Variants in SHC4 observed in about 807,000 individuals in gnomAD.
SHC4 encodes the protein SHC adaptor protein 4.
Under a neutral mutation model 69.4 loss-of-function variants are expected in SHC4, and 41 were observed. The observed-to-expected ratio is 0.59, with a 90% CI of 0.46 to 0.77. SHC4 has a LOEUF of 0.77. SHC4 is among the 30% of genes least tolerant of loss of function. The probability of loss-of-function intolerance (pLI) is 0.00; values close to 1 mark genes in which losing one functional copy is unlikely to be tolerated. For missense variants in SHC4, 777 were observed against 783.8 expected, an observed-to-expected ratio of 0.99 and a Z score of 0.10; for synonymous variants, 318 against 299.3, an observed-to-expected ratio of 1.06 and a Z score of -0.64.
intron 10 of SHC4, among the ~76,000 whole-genome samples, chr15:48,840,036 A>AAT (rs575899257): frequency 7.9e-5 from 12 of 152,288 alleles, no homozygotes; most frequent in Middle Eastern, 3.4e-3. Flanking sequence ...CCTTTAAAGA[A>AAT]ATATATATGT....
rs568206520 is a variant in SHC4 at position 48,869,978 on chromosome 15, T to C, written c.895-2109A>G. On this transcript the variant is annotated intron_variant, in intron 5 of 11. Coordinates refer to ENST00000332408, the MANE Select transcript of SHC4 (RefSeq NM_203349.4). ...GTCAATTTAAAGAACTAAAGGCACATGAAGAGAGTATGAAAAAAATTAAGA... is the reference window on the plus strand; with the variant it reads ...GTCAATTTAAAGAACTAAAGGCACACGAAGAGAGTATGAAAAAAATTAAGA... Among the ~76,000 whole-genome samples the C allele has an allele frequency of 8.5e-5, 13 of 152,218 alleles. No individual in the cohort carries two copies. In the South Asian group the frequency reaches 1.7e-3, roughly 19 times the overall value.
At chr15:48,890,518 C>T (rs1034020325) in intron 3 of SHC4, among the ~76,000 whole-genome samples, 1 of 152,118 alleles carries the variant, frequency 6.6e-6, no homozygotes, top group Non-Finnish European at 1.5e-5. Flanking sequence ...GACATAAAGC[C>T]CAGGGCTTTC....
intron 1 of SHC4, among the ~76,000 whole-genome samples, chr15:48,953,673 T>A (rs1358782198): frequency 6.6e-6 from 1 of 152,146 alleles, no homozygotes; most frequent in South Asian, 2.1e-4. Context: ...TTCCTATATT[T>A]CCAAATAAAT....
chr15:48,920,360 C>A (rs1900729221), intron 2 of SHC4, among the ~76,000 whole-genome samples: 1 of 151,778 alleles, frequency 6.6e-6, no homozygotes, highest in Non-Finnish European at 1.5e-5. Context: ...TGAGCAGGAG[C>A]TTTGTAATAT....
intron 1 of SHC4, among the ~76,000 whole-genome samples, chr15:48,942,429 C>A (rs1336342195): frequency 4.6e-5 from 7 of 151,580 alleles, no homozygotes; most frequent in Non-Finnish European, 1.0e-4. Context: ...CTTCAAGATG[C>A]AATGTAAATA....
At chr15:48,915,709 T>C (rs1900606939) in intron 2 of SHC4, among the ~76,000 whole-genome samples, 1 of 152,230 alleles carries the variant, frequency 6.6e-6, no homozygotes, top group African/African-American at 2.4e-5. Context: ...CTTAACACCC[T>C]TTCCTGACCA....
chr15:48,872,919 C>T (rs967076008), intron 4 of SHC4, among the ~76,000 whole-genome samples: 4 of 152,182 alleles, frequency 2.6e-5, no homozygotes, highest in African/African-American at 9.7e-5. Flanking sequence ...AACTATGCAC[C>T]TATTGACTAA....
chr15:48,963,569 A>G lies in SHC4; in HGVS notation c.-554T>C, dbSNP rs1901583864. On this transcript the variant is annotated 5_prime_UTR_variant, in exon 1 of 12. Coordinates refer to ENST00000332408, the MANE Select transcript of SHC4 (RefSeq NM_203349.4). ...AAAAGGAAAAAAAAATGTATCTATG[A>G]ACCAAAGGCCCTTTTGCCTGGGTTC... 6.5e-6 allele frequency: 1 copy of G among 152,814 alleles called. No individual in the cohort carries two copies. The allele number at this position is 152,814 out of a possible 1,614,324, so 9.5% of individuals were successfully genotyped here. A position where few individuals can be genotyped will look rare whatever the true frequency, so the allele number is the denominator to read the frequency against.
chr15:48,947,759 A>C (rs1348847284), intron 1 of SHC4: 4 of 152,168 alleles, frequency 2.6e-5, no homozygotes, highest in Non-Finnish European at 5.9e-5. Flanking sequence ...GACGAACAAA[A>C]GCTATTGAAA....
intron 11 of SHC4, 59 bp downstream of exon 11, chr15:48,834,710 T>TA: frequency 6.3e-7 from 1 of 1,586,162 alleles, no homozygotes; most frequent in Non-Finnish European, 8.6e-7. Context: ...TGGAAATCAT[T>TA]CAGGGTATGC....
At chr15:48,856,183 T>G (rs374718759) in intron 7 of SHC4, 59 bp from the exon 8 acceptor site, 2 of 1,509,038 alleles carry the variant, frequency 1.3e-6, no homozygotes, top group Non-Finnish European at 1.8e-6. Flanking sequence ...CTGTAAGGGA[T>G]GCAAGGGGAT....
chr15:48,873,132 T>C (rs1387360224), intron 4 of SHC4, among the ~76,000 whole-genome samples: 2 of 152,056 alleles, frequency 1.3e-5, no homozygotes, highest in Admixed American at 1.3e-4. Flanking sequence ...TATTCAATGG[T>C]GGCATACTAT....
Position 48,834,703 on chromosome 15 carries a change from A to G in SHC4, c.1737+66T>C. 5 of 1,578,302 alleles carry G rather than the reference A, an allele frequency of 3.2e-6. No homozygotes were observed. The South Asian group carries it at 5.9e-5, about 19-fold the overall frequency. On this transcript the variant is annotated intron_variant, in intron 11 of 11. Transcript: ENST00000332408. Reference sequence around the variant, plus strand: ...AGCACTATTCAATACCAGGTTTTGGAAATCATTCAGGGTATGCTTAATAGA... The same window carrying G: ...AGCACTATTCAATACCAGGTTTTGGGAATCATTCAGGGTATGCTTAATAGA...
chr15:48,878,072 GC>G, intron 4 of SHC4: 2 of 1,436,820 alleles, frequency 1.4e-6, no homozygotes, highest in Non-Finnish European at 1.9e-6. Context: ...ACGCCTGCGC[GC>G]GGGGTTACGC....
At chr15:48,847,193 T>C (rs1371196915) in intron 9 of SHC4, among the ~76,000 whole-genome samples, 1 of 152,152 alleles carries the variant, frequency 6.6e-6, no homozygotes, top group Non-Finnish European at 1.5e-5. Flanking sequence ...AAGTTCTTTG[T>C]ATTACTCCAA....
chr15:48,856,788 A>AC (rs1188195566), intron 7 of SHC4, among the ~76,000 whole-genome samples: 15 of 152,134 alleles, frequency 9.9e-5, no homozygotes, highest in Non-Finnish European at 2.2e-4. Flanking sequence ...AAAAAAAAAA[A>AC]AACAAGAATA....
chr15:48,896,654 A>G (rs1401815838), intron 2 of SHC4, among the ~76,000 whole-genome samples: 3 of 151,748 alleles, frequency 2.0e-5, no homozygotes, highest in African/African-American at 7.3e-5. Context: ...AAGAAGGTCC[A>G]CTCCTCACCC....
chr15:48,956,565 A>T (rs945946320), intron 1 of SHC4, among the ~76,000 whole-genome samples: 1 of 151,906 alleles, frequency 6.6e-6, no homozygotes, highest in Non-Finnish European at 1.5e-5. Context: ...ACTATCGCTC[A>T]CCTCTTCCAA....
chr15:48,936,269 A>G (rs2141030841), intron 1 of SHC4, among the ~76,000 whole-genome samples: 1 of 152,350 alleles, frequency 6.6e-6, no homozygotes, highest in East Asian at 1.9e-4. Context: ...CTCAACAACC[A>G]GGAAATTTCA....
Sources: gnomAD v4.1 joint callset for allele counts (sites outside exome capture counted in the v4.1 genomes callset) on GRCh38, gnomAD v4.1.1 for gene constraint, MANE v1.5 for transcripts, NCBI Gene and HGNC (gene_info 2026-07-23, HGNC 2026-07-21) for gene names.